The following ANKH variants were observed in gnomAD, a reference collection of about 807,000 sequenced individuals.
ANKH encodes mineralization regulator ANKH.
A neutral mutation model predicts 49.0 loss-of-function variants in ANKH; 15 were observed. The ratio of observed to expected loss-of-function variants is 0.31; its 90% CI spans 0.20 to 0.47. The LOEUF is 0.47. Ranked by LOEUF, ANKH falls within the 20% of genes least tolerant of loss-of-function variation. The probability of loss-of-function intolerance (pLI) is 1.00; values close to 1 mark genes in which losing one functional copy is unlikely to be tolerated. For missense variants in ANKH, 429 were observed against 652.0 expected, an observed-to-expected ratio of 0.66 and a Z score of 3.72; for synonymous variants, 273 against 260.0, an observed-to-expected ratio of 1.05 and a Z score of -0.48.
intron 1 of ANKH, among the ~76,000 whole-genome samples, chr5:14,787,737 C>T (rs1357347726): frequency 1.3e-5 from 2 of 152,184 alleles, no homozygotes; most frequent in Non-Finnish European, 2.9e-5. Context: ...CACTGGCGTG[C>T]TTTGAGTAAT....
chr5:14,736,006 CTTTTTTTTTTTTTTTTTTTTT>C (rs540010631), intron 8 of ANKH, among the ~76,000 whole-genome samples: 1 of 83,662 alleles, frequency 1.2e-5, no homozygotes, highest in Non-Finnish European at 2.1e-5. Flanking sequence ...AAAAACCTAA[CTTTTTTTTTTTTTTTTTTTTT>C]TTTTTTTTTT....
chr5:14,839,508 TAA>T lies in ANKH; in HGVS notation c.96+31842_96+31843del, dbSNP rs56407443. Among the ~76,000 whole-genome samples the T allele has an allele frequency of 3.6e-3, 510 of 141,372 alleles. 3 individuals are homozygous for T. The highest frequency in any genetic ancestry group is 0.012 in the African/African-American group (481 of 38,870). 92.7% of individuals were successfully genotyped at this position (141,372 alleles called of 152,430 possible). On this transcript the variant is annotated intron_variant, in intron 1 of 11. Coordinates refer to ENST00000284268, the MANE Select transcript of ANKH (RefSeq NM_054027.6). ...AGCCTCAACTCAAAGTCTTATCAGT[TAA>T]AAAAAAAAAAAAACCCACAGAGATT...
intron 2 of ANKH, 68 bp from the exon 3 acceptor site, chr5:14,758,666 A>T: frequency 8.6e-7 from 1 of 1,163,898 alleles, no homozygotes; most frequent in Non-Finnish European, 1.3e-6. Context: ...TTTTTGTTTC[A>T]AAAGCTTAAA....
intron 8 of ANKH, among the ~76,000 whole-genome samples, chr5:14,719,824 A>G (rs779695839): frequency 6.6e-6 from 1 of 152,194 alleles, no homozygotes; most frequent in Non-Finnish European, 1.5e-5. Flanking sequence ...TACAATCCTT[A>G]CAGAGCTGAC....
In ANKH at chr5:14,713,064, TCGAGACGGCTGAGA is replaced by T; in HGVS notation, c.1266-105_1266-92del. 5.5e-6 allele frequency: 7 copies of T among 1,264,398 alleles called. No homozygotes were observed. Among genetic ancestry groups the T allele is most frequent in the Non-Finnish European group, 6.7e-6 (6 of 890,320 alleles). The allele number at this position is 1,264,398 out of a possible 1,614,324, so 78.3% of individuals were successfully genotyped here. Reference sequence around the variant, plus strand: ...AAAACCCAGGAAAGTAAGTGTAGCCTCGAGACGGCTGAGACCAGCGGCGTTCTCCATCTGCTGGC... The same window carrying T: ...AAAACCCAGGAAAGTAAGTGTAGCCTCCAGCGGCGTTCTCCATCTGCTGGC... On this transcript the variant is annotated intron_variant, in intron 10 of 11. Transcript: ENST00000284268. This position sits in a 1 kb window ranked among gnomAD's most constrained non-coding sequence, Gnocchi z 4.4.
intron 2 of ANKH, among the ~76,000 whole-genome samples, chr5:14,759,819 AAAAGG>A (rs1198194528): frequency 8.3e-5 from 11 of 132,824 alleles, no homozygotes; most frequent in Middle Eastern, 3.6e-3. Context: ...GGGAGGGAAA[AAAAGG>A]AAAGGAAAGG....
chr5:14,744,743 G>A (rs983955360), intron 7 of ANKH, among the ~76,000 whole-genome samples: 1 of 152,256 alleles, frequency 6.6e-6, no homozygotes, highest in Non-Finnish European at 1.5e-5. Context: ...TGGTGGGGGA[G>A]AGGGGGTCCC....
chr5:14,762,588 C>T (rs1252336696), intron 2 of ANKH, among the ~76,000 whole-genome samples: 1 of 152,238 alleles, frequency 6.6e-6, no homozygotes, highest in Non-Finnish European at 1.5e-5. Flanking sequence ...TCTTCCCCTA[C>T]ATGATAGAGG....
At chr5:14,863,426 T>C (rs1380208076) in intron 1 of ANKH, among the ~76,000 whole-genome samples, 2 of 152,166 alleles carry the variant, frequency 1.3e-5, no homozygotes, top group East Asian at 3.9e-4. Context: ...TGCCATATGA[T>C]ACTCATTTAA....
At chr5:14,722,338 A>G (rs1175517306) in intron 8 of ANKH, among the ~76,000 whole-genome samples, 5 of 152,198 alleles carry the variant, frequency 3.3e-5, no homozygotes, top group Non-Finnish European at 5.9e-5. Flanking sequence ...TTTGCTGTCA[A>G]TATTCTGTCA....
At chr5:14,714,587 C>CA (rs1427479721) in intron 9 of ANKH, among the ~76,000 whole-genome samples, 1 of 152,156 alleles carries the variant, frequency 6.6e-6, no homozygotes, top group Non-Finnish European at 1.5e-5. Flanking sequence ...CTTGGTCTAA[C>CA]AGTGTGTCCT....
At chr5:14,768,492 G>C (rs1273918804) in intron 2 of ANKH, 2 of 196,960 alleles carry the variant, frequency 1.0e-5, no homozygotes, top group African/African-American at 4.7e-5. Flanking sequence ...TGGAAAGAAT[G>C]CTATCACAAG....
intron 1 of ANKH, among the ~76,000 whole-genome samples, chr5:14,860,274 T>A (rs1197258112): frequency 1.3e-5 from 2 of 152,246 alleles, no homozygotes; most frequent in African/African-American, 4.8e-5. Flanking sequence ...GGTGTTGTCT[T>A]GACTCCCTTG....
intron 1 of ANKH, among the ~76,000 whole-genome samples, chr5:14,781,784 C>T (rs1327586629): frequency 6.6e-6 from 1 of 152,122 alleles, no homozygotes; most frequent in Non-Finnish European, 1.5e-5. Context: ...TTTAAGAATG[C>T]TTATTCCCCA....
At chr5:14,852,464 C>A (rs1742146405) in intron 1 of ANKH, among the ~76,000 whole-genome samples, 1 of 152,198 alleles carries the variant, frequency 6.6e-6, no homozygotes, top group Non-Finnish European at 1.5e-5. Context: ...ACAATCAGAA[C>A]AAGCCTTTCT....
intron 1 of ANKH, among the ~76,000 whole-genome samples, chr5:14,846,121 T>C (rs1741953847): frequency 6.6e-6 from 1 of 151,954 alleles, no homozygotes; most frequent in Non-Finnish European, 1.5e-5. Flanking sequence ...CCTCCCAAAG[T>C]GCTGGGATTA....
intron 1 of ANKH, among the ~76,000 whole-genome samples, chr5:14,845,334 T>C (rs979001804): frequency 6.8e-6 from 1 of 148,146 alleles, no homozygotes; most frequent in African/African-American, 2.5e-5. Flanking sequence ...GAAGAAACCC[T>C]GCTAGTTTCA....
intron 1 of ANKH, among the ~76,000 whole-genome samples, chr5:14,822,493 T>C (rs561787176): frequency 1.3e-5 from 2 of 152,320 alleles, no homozygotes; most frequent in South Asian, 2.1e-4. Flanking sequence ...CAGAATCACA[T>C]AATGACCCTA....
chr5:14,721,410 G>A (rs560339036), intron 8 of ANKH, among the ~76,000 whole-genome samples: 2 of 152,272 alleles, frequency 1.3e-5, no homozygotes, highest in South Asian at 2.1e-4. Flanking sequence ...AACTGGAAGC[G>A]GTTAGTCTGA....
Sources: gnomAD v4.1 joint callset for allele counts (sites outside exome capture counted in the v4.1 genomes callset) on GRCh38, gnomAD v4.1.1 for gene constraint, Gnocchi (gnomAD v3.1) non-coding constraint, MANE v1.5 for transcripts, NCBI Gene and HGNC (gene_info 2026-07-23, HGNC 2026-07-21) for gene names.